The following CLIC4 variants were observed in gnomAD, a reference collection of about 807,000 sequenced individuals.
The protein encoded by CLIC4 is chloride intracellular channel protein 4.
CLIC4 carries 13 observed loss-of-function variants against 24.6 expected under a neutral mutation model. The observed-to-expected ratio is 0.53, with a 90% CI of 0.34 to 0.84. The LOEUF (loss-of-function observed/expected upper bound fraction) is 0.84. CLIC4 is among the 40% of genes least tolerant of loss of function. The pLI, the probability that CLIC4 is intolerant of heterozygous loss-of-function variation, is 0.01. For synonymous variants in CLIC4, 104 were observed against 111.3 expected, an observed-to-expected ratio of 0.93 and a Z score of 0.41; for missense variants, 227 against 301.7, an observed-to-expected ratio of 0.75 and a Z score of 1.83.
intron 2 of CLIC4, 167 bp downstream of exon 2, chr1:24,798,018 T>G: frequency 1.8e-6 from 1 of 556,806 alleles, no homozygotes; most frequent in Non-Finnish European, 3.1e-6. Context: ...CAAGTCACGC[T>G]GTCAGTATAC....
At chr1:24,804,673 C>T (rs908609212) in intron 2 of CLIC4, among the ~76,000 whole-genome samples, 2 of 151,760 alleles carry the variant, frequency 1.3e-5, no homozygotes, top group African/African-American at 2.4e-5. Context: ...TTTTTTAAGA[C>T]GATTTCAAAG....
intron 1 of CLIC4, among the ~76,000 whole-genome samples, chr1:24,745,989 G>C (rs1434846773): frequency 6.6e-6 from 1 of 150,626 alleles, no homozygotes; most frequent in Non-Finnish European, 1.5e-5. Flanking sequence ...CCCCGCCCGG[G>C]CGCCGGGGCC....
chr1:24,838,097 T>C (rs991201838), intron 4 of CLIC4, among the ~76,000 whole-genome samples: 3 of 152,102 alleles, frequency 2.0e-5, no homozygotes, highest in African/African-American at 4.8e-5. Flanking sequence ...TAAATCGGTT[T>C]CTCCTTGGGA....
chr1:24,801,356 C>T (rs1483430250), intron 2 of CLIC4, among the ~76,000 whole-genome samples: 4 of 152,158 alleles, frequency 2.6e-5, no homozygotes, highest in Admixed American at 1.3e-4. Context: ...ACATGTCTTT[C>T]ATGGCCGGAG....
intron 1 of CLIC4, among the ~76,000 whole-genome samples, chr1:24,785,853 T>TAA (rs1261170353): frequency 9.8e-5 from 1 of 10,200 alleles, no homozygotes; most frequent in African/African-American, 4.3e-4. Flanking sequence ...AGACTACAAC[T>TAA]CAAAAAAAAA....
chr1:24,799,373 G>C (rs188656926), intron 2 of CLIC4, among the ~76,000 whole-genome samples: 1 of 151,038 alleles, frequency 6.6e-6, no homozygotes, highest in Admixed American at 6.6e-5. Flanking sequence ...GTCTCTGTCC[G>C]GCCGCCCCGT....
At chr1:24,750,520 C>T (rs560552634) in intron 1 of CLIC4, among the ~76,000 whole-genome samples, 1 of 151,362 alleles carries the variant, frequency 6.6e-6, no homozygotes, top group South Asian at 2.1e-4. Context: ...TGTGCACCAC[C>T]ACACCTGGCT....
intron 1 of CLIC4, among the ~76,000 whole-genome samples, chr1:24,788,565 C>CTGTG (rs1324972461): frequency 6.6e-6 from 1 of 152,186 alleles, no homozygotes; most frequent in African/African-American, 2.4e-5. Context: ...GGAAGGCCAG[C>CTGTG]TGTGATATGT....
intron 1 of CLIC4, among the ~76,000 whole-genome samples, chr1:24,780,285 A>G (rs147945760): frequency 2.2e-3 from 333 of 152,366 alleles, no homozygotes; most frequent in Non-Finnish European, 3.8e-3. Flanking sequence ...AGAAGAATCA[A>G]TATCTCAAAC....
intron 1 of CLIC4, among the ~76,000 whole-genome samples, chr1:24,777,470 G>A (rs1639155098): frequency 6.6e-6 from 1 of 152,102 alleles, no homozygotes; most frequent in East Asian, 1.9e-4. Flanking sequence ...CTTGAACCTG[G>A]GAGGTGGAGG....
intron 2 of CLIC4, among the ~76,000 whole-genome samples, chr1:24,810,604 T>C (rs978730742): frequency 6.6e-6 from 1 of 152,138 alleles, no homozygotes; most frequent in African/African-American, 2.4e-5. Context: ...TCCTCATCTC[T>C]ACAAAAAATT....
intron 2 of CLIC4, among the ~76,000 whole-genome samples, chr1:24,806,050 A>C (rs1207730426): frequency 6.6e-6 from 1 of 152,248 alleles, no homozygotes; most frequent in African/African-American, 2.4e-5. Context: ...AGTTCTGTGC[A>C]CTTTGCTCTT....
intron 1 of CLIC4, among the ~76,000 whole-genome samples, chr1:24,756,056 G>A (rs1244938427): frequency 1.4e-5 from 2 of 147,642 alleles, no homozygotes; most frequent in Non-Finnish European, 3.0e-5. Flanking sequence ...CTGGAGTGCA[G>A]TGACGCGATC....
At chr1:24,800,853 G>C (rs1639479797) in intron 2 of CLIC4, among the ~76,000 whole-genome samples, 1 of 151,990 alleles carries the variant, frequency 6.6e-6, no homozygotes, top group South Asian at 2.1e-4. Flanking sequence ...TTGCTAAACA[G>C]ATGCTTGAAG....
intron 3 of CLIC4, among the ~76,000 whole-genome samples, chr1:24,820,030 C>T (rs762421196): frequency 2.2e-4 from 23 of 106,972 alleles, no homozygotes; most frequent in South Asian, 6.2e-4. Context: ...CATGAGCTAC[C>T]GCGCCCAGCC....
At chr1:24,825,866 T>G (rs138809036) in intron 3 of CLIC4, among the ~76,000 whole-genome samples, 2 of 152,136 alleles carry the variant, frequency 1.3e-5, no homozygotes, top group African/African-American at 2.4e-5. Context: ...AATAAATGAG[T>G]TGAAATAATT....
At chr1:24,774,080 C>G (rs1291948791) in intron 1 of CLIC4, among the ~76,000 whole-genome samples, 1 of 152,154 alleles carries the variant, frequency 6.6e-6, no homozygotes, top group African/African-American at 2.4e-5. Context: ...TCAAACAGTT[C>G]TCCTGCCTCA....
At chr1:24,778,774 A>C (rs926361285) in intron 1 of CLIC4, among the ~76,000 whole-genome samples, 2 of 152,178 alleles carry the variant, frequency 1.3e-5, no homozygotes, top group Non-Finnish European at 2.9e-5. Context: ...TCATGGGTCT[A>C]TTGTGCCTAG....
chr1:24,833,487 A>AC (rs1639857664), intron 4 of CLIC4, among the ~76,000 whole-genome samples: 1 of 1,860 alleles, frequency 5.4e-4, no homozygotes, highest in African/African-American at 1.1e-3. Context: ...CGGGGGGCTG[A>AC]CCCCCCCACC....
Sources: gnomAD v4.1 joint callset for allele counts (sites outside exome capture counted in the v4.1 genomes callset) on GRCh38, gnomAD v4.1.1 for gene constraint, MANE v1.5 for transcripts, NCBI Gene and HGNC (gene_info 2026-07-23, HGNC 2026-07-21) for gene names.